The following PRKG1 variants were observed in gnomAD, a reference collection of about 807,000 sequenced individuals.
PRKG1 encodes protein kinase cGMP-dependent 1.
In PRKG1, 35 loss-of-function variants were observed where a neutral mutation model predicts 88.1. That is an observed-to-expected ratio of 0.40 (90% CI 0.30 to 0.53). The LOEUF (loss-of-function observed/expected upper bound fraction) is 0.53, where lower values mean the gene tolerates loss of function less well. PRKG1 is among the 20% of genes least tolerant of loss of function. The pLI, the probability that PRKG1 is intolerant of heterozygous loss-of-function variation, is 0.59. For missense variants in PRKG1, 540 were observed against 839.8 expected, an observed-to-expected ratio of 0.64 and a Z score of 4.41; for synonymous variants, 303 against 292.5, an observed-to-expected ratio of 1.04 and a Z score of -0.37.
intron 2 of PRKG1, among the ~76,000 whole-genome samples, chr10:51,433,343 C>T (rs1374777351): frequency 6.6e-6 from 1 of 152,072 alleles, no homozygotes; most frequent in African/African-American, 2.4e-5. Context: ...TCAGATGAAA[C>T]ATGCTGTGCA....
intron 3 of PRKG1, among the ~76,000 whole-genome samples, chr10:51,624,368 A>T (rs1839282821): frequency 1.3e-5 from 2 of 152,178 alleles, no homozygotes; most frequent in Admixed American, 1.3e-4. Context: ...TCTTTTCTGT[A>T]GATGCTTCTG....
chr10:51,558,843 A>C (rs548228589), intron 3 of PRKG1, among the ~76,000 whole-genome samples: 5 of 152,248 alleles, frequency 3.3e-5, no homozygotes, highest in African/African-American at 1.2e-4. Context: ...TATTTTAGAC[A>C]GATCAATGAA....
chr10:51,430,756 T>C, intron 2 of PRKG1, among the ~76,000 whole-genome samples: 1 of 152,208 alleles, frequency 6.6e-6, no homozygotes, highest in East Asian at 1.9e-4. Flanking sequence ...AATGGAGTGC[T>C]ATTTCACAAT....
At chr10:52,291,951 G>A (rs1842258166) in intron 17 of PRKG1, among the ~76,000 whole-genome samples, 2 of 152,164 alleles carry the variant, frequency 1.3e-5, no homozygotes, top group African/African-American at 4.8e-5. Context: ...CATTCTAACT[G>A]GTGTGAGATG....
intron 5 of PRKG1, among the ~76,000 whole-genome samples, chr10:51,979,780 A>C (rs1468665044): frequency 6.6e-6 from 1 of 151,934 alleles, no homozygotes; most frequent in Non-Finnish European, 1.5e-5. Context: ...GTGCATGTGC[A>C]CAAAAGTGTT....
chr10:51,604,421 A>G (rs756542917), intron 3 of PRKG1, among the ~76,000 whole-genome samples: 6 of 152,198 alleles, frequency 3.9e-5, no homozygotes, highest in Non-Finnish European at 5.9e-5. Context: ...ATGTATTACA[A>G]TAAATAACTA....
intron 9 of PRKG1, among the ~76,000 whole-genome samples, chr10:52,194,302 C>T (rs1839449964): frequency 6.6e-6 from 1 of 152,042 alleles, no homozygotes; most frequent in Admixed American, 6.6e-5. Context: ...ATTGAAGCTC[C>T]TAATAAAAAA....
intron 3 of PRKG1, among the ~76,000 whole-genome samples, chr10:51,735,983 T>C (rs1400109518): frequency 6.9e-6 from 1 of 145,430 alleles, no homozygotes; most frequent in East Asian, 2.0e-4. Flanking sequence ...GCCTCGACCT[T>C]CTGGGCTCCC....
chr10:51,020,760 C>T (rs1041799301), intron 1 of PRKG1, among the ~76,000 whole-genome samples: 6 of 152,116 alleles, frequency 3.9e-5, no homozygotes, highest in African/African-American at 4.8e-5. Context: ...ACCAGCTTCA[C>T]CCATAAAAGC....
At chr10:51,973,017 A>C (rs923689774) in intron 5 of PRKG1, among the ~76,000 whole-genome samples, 1 of 152,138 alleles carries the variant, frequency 6.6e-6, no homozygotes, top group East Asian at 1.9e-4. Flanking sequence ...GCTTCTTTCT[A>C]AGGGTTCCCT....
chr10:51,437,575 T>C lies in PRKG1; in HGVS notation c.479-30148T>C, dbSNP rs189262907. Among the ~76,000 whole-genome samples the C allele has an allele frequency of 2.0e-3, 305 of 152,082 alleles. 3 individuals carry two copies. The highest frequency in any genetic ancestry group is 6.0e-3 in the Admixed American group (91 of 15,248). ...ATGTATTTTAAATTGTGTTCCATGA[T>C]GATAGTGAGTAGATAATTTCTAGCA... is the stretch of plus-strand genomic sequence containing the variant. On this transcript the variant is annotated intron_variant, in intron 2 of 17. Coordinates refer to ENST00000373980, the MANE Select transcript of PRKG1 (RefSeq NM_006258.4).
At chr10:52,293,073 C>CA (rs1211196559) in intron 17 of PRKG1, among the ~76,000 whole-genome samples, 3 of 151,158 alleles carry the variant, frequency 2.0e-5, no homozygotes, top group African/African-American at 7.3e-5. Context: ...TCTCAGGATA[C>CA]AAAATCAATG....
chr10:51,967,702 C>T (rs1843606527), intron 5 of PRKG1, among the ~76,000 whole-genome samples: 1 of 152,134 alleles, frequency 6.6e-6, no homozygotes, highest in Non-Finnish European at 1.5e-5. Flanking sequence ...CAAAATAGCA[C>T]TGTCGTTTCC....
chr10:51,126,698 G>C lies in PRKG1; in HGVS notation c.312-26466G>C, dbSNP rs182823310. ...AAAAGAACAAAACTGGAGGCATCAG[G>C]CTACCTGACTTCAAACTATACTACA... On this transcript the variant is annotated intron_variant, in intron 1 of 17. Coordinates refer to ENST00000373980, the MANE Select transcript of PRKG1 (RefSeq NM_006258.4). 1.2e-3 allele frequency among the ~76,000 whole-genome samples: 189 copies of C among 151,918 alleles called. 6 individuals carry two copies. In the East Asian group the frequency reaches 0.035, roughly 28 times the overall value.
intron 4 of PRKG1, among the ~76,000 whole-genome samples, chr10:51,885,489 G>A (rs562559544): frequency 5.1e-4 from 78 of 152,356 alleles, no homozygotes; most frequent in Non-Finnish European, 9.4e-4. Context: ...TAGACTGACA[G>A]AATGTACTTC....
At chr10:52,263,171 A>G (rs1333098753) in intron 10 of PRKG1, among the ~76,000 whole-genome samples, 1 of 152,168 alleles carries the variant, frequency 6.6e-6, no homozygotes, top group Non-Finnish European at 1.5e-5. Flanking sequence ...GTCATTAAAA[A>G]TGACTTTTTA....
chr10:51,236,849 T>C (rs561617631), intron 2 of PRKG1, among the ~76,000 whole-genome samples: 7 of 152,054 alleles, frequency 4.6e-5, no homozygotes, highest in Non-Finnish European at 1.0e-4. Flanking sequence ...GTATAACCCA[T>C]TTGAATTAAT....
At chr10:52,264,114 G>A (rs1488586328) in intron 10 of PRKG1, among the ~76,000 whole-genome samples, 3 of 152,046 alleles carry the variant, frequency 2.0e-5, no homozygotes, top group Non-Finnish European at 2.9e-5. Flanking sequence ...TGCAGAACAG[G>A]ATGTCTACAT....
chr10:51,220,202 C>T (rs750173346), intron 2 of PRKG1, among the ~76,000 whole-genome samples: 18 of 152,266 alleles, frequency 1.2e-4, no homozygotes, highest in Middle Eastern at 3.4e-3. Flanking sequence ...TTCCAGGACA[C>T]AAGGACCACA....
Sources: gnomAD v4.1 joint callset for allele counts (sites outside exome capture counted in the v4.1 genomes callset) on GRCh38, gnomAD v4.1.1 for gene constraint, MANE v1.5 for transcripts, NCBI Gene and HGNC (gene_info 2026-07-23, HGNC 2026-07-21) for gene names.